ARHGAP27: variants seen among roughly 807,000 people sequenced by gnomAD.
ARHGAP27 encodes the protein Rho GTPase activating protein 27, also known as rho GTPase-activating protein 27.
In ARHGAP27, 53 loss-of-function variants were observed where a neutral mutation model predicts 102.0. The observed-to-expected ratio is 0.52, with a 90% CI of 0.42 to 0.65. ARHGAP27 has a LOEUF of 0.65. Ranked by LOEUF, ARHGAP27 falls within the 30% of genes least tolerant of loss-of-function variation. The pLI, the probability that ARHGAP27 is intolerant of heterozygous loss-of-function variation, is 0.00. For synonymous variants in ARHGAP27, 525 were observed against 542.8 expected (o/e 0.97, Z 0.46); for missense variants, 1,117 against 1,256.2 (o/e 0.89, Z 1.68).
chr17:45,426,316 C>A (rs2049593056), intron 4 of ARHGAP27, among the ~76,000 whole-genome samples: 1 of 152,132 alleles, frequency 6.6e-6, no homozygotes, highest in Non-Finnish European at 1.5e-5. Context: ...GGGTTACAAG[C>A]CTTTCAGCAA....
At chr17:45,406,210 G>T in intron 4 of ARHGAP27, 127 bp from the exon 5 acceptor site, 1 of 1,156,292 alleles carries the variant, frequency 8.6e-7, no homozygotes, top group Non-Finnish European at 1.2e-6. Context: ...AAACTTTTCT[G>T]CAGCCTCAAA....
intron 5 of ARHGAP27, among the ~76,000 whole-genome samples, 183 bp from the exon 6 acceptor site, chr17:45,405,289 G>A (rs1415759686): frequency 6.6e-6 from 1 of 150,712 alleles, no homozygotes; most frequent in Non-Finnish European, 1.5e-5. Flanking sequence ...GGCTGTGGGA[G>A]CAGAAGGCGT....
chr17:45,429,698 C>T lies in ARHGAP27; in HGVS notation c.582G>A (p.Ala194=). ...CGTAGACGTTCTCTGAGTCGCTGCG[C>T]GCCAGAGGCCGCGGGCACACCCAGG... The part of the protein sequence containing the change: ...AGSWVCPRPL[A]RSDSENVYEV... The change falls in exon 4 of 20, where the codon GCG becomes GCA. Residue 194 remains alanine (A), a synonymous_variant. Transcript: ENST00000685559. 3 of 1,557,616 alleles carry T rather than the reference C, an allele frequency of 1.9e-6. No homozygotes were observed. The highest frequency in any genetic ancestry group is 8.7e-7 in the Non-Finnish European group (1 of 1,151,262).
At chr17:45,410,482 G>C (rs1287558886) in intron 4 of ARHGAP27, 1 of 1,272,144 alleles carries the variant, frequency 7.9e-7, no homozygotes, top group East Asian at 3.1e-5. Context: ...GGGGTGGAGG[G>C]GCCTCAGGTT....
intron 4 of ARHGAP27, among the ~76,000 whole-genome samples, chr17:45,425,832 A>G (rs879597236): frequency 7.9e-5 from 12 of 152,106 alleles, no homozygotes; most frequent in Non-Finnish European, 1.5e-4. Flanking sequence ...AGGCCCCTTT[A>G]TTGCACTGGC....
rs1034250749 is a variant in ARHGAP27, at chr17:45,397,009, G to C, written c.1858C>G (p.Pro620Ala). The C allele has an allele frequency of 1.9e-6, 3 of 1,603,660 alleles. No homozygotes were observed. Among genetic ancestry groups the C allele is most frequent in the African/African-American group, 2.7e-5 (2 of 74,940 alleles). ...ACTCTGCTGCTCTCGCTCTCCTCTG[G>C]GGGCAGCTCTGCGGACTGGATTCCC... ...GIQELSAELP[P>A]EESESSRVDF... The change falls in exon 14 of 20, where the codon CCA (proline) becomes GCA (alanine). Residue 620 changes from proline (P) to alanine (A), a missense_variant. By Grantham distance (27) the Pro-to-Ala change is conservative (BLOSUM62 -1). Coordinates refer to ENST00000685559, the MANE Select transcript of ARHGAP27 (RefSeq NM_001282290.2).
At chr17:45,432,538 C>T (rs942800840) in intron 1 of ARHGAP27, among the ~76,000 whole-genome samples, 189 bp from the exon 2 acceptor site, 1 of 152,216 alleles carries the variant, frequency 6.6e-6, no homozygotes, top group Non-Finnish European at 1.5e-5. Flanking sequence ...GGAGGGCAGC[C>T]CTTCGCCTAC....
rs987845134 is a variant in ARHGAP27 at position 45,394,400 on chromosome 17, G to A, written c.*1056C>T. On this transcript the variant is annotated 3_prime_UTR_variant, in exon 20 of 20. Coordinates refer to ENST00000685559, the MANE Select transcript of ARHGAP27 (RefSeq NM_001282290.2). ...CCTGCCCAGCTCTTCGTGGCAAAGC[G>A]GGCCCCAGATGGGTGTACTTGTGTG... The A allele has an allele frequency of 2.0e-5, 3 of 152,364 alleles. No homozygotes were observed. The highest frequency in any genetic ancestry group is 2.9e-5 in the Non-Finnish European group (2 of 68,128). 9.4% of individuals were successfully genotyped at this position (152,364 alleles called of 1,614,324 possible). A position where few individuals can be genotyped will look rare whatever the true frequency, so the allele number is the denominator to read the frequency against.
chr17:45,425,233 G>C (rs1320080192), intron 4 of ARHGAP27, among the ~76,000 whole-genome samples: 1 of 151,912 alleles, frequency 6.6e-6, no homozygotes, highest in African/African-American at 2.4e-5. Flanking sequence ...TGGGGGTTGG[G>C]GGTGGGGGGT....
At chr17:45,422,620 C>T (rs2049146876) in intron 4 of ARHGAP27, among the ~76,000 whole-genome samples, 1 of 152,102 alleles carries the variant, frequency 6.6e-6, no homozygotes, top group Non-Finnish European at 1.5e-5. Context: ...GATAGAAAAG[C>T]ACAATTTGTA....
chr17:45,426,367 C>A (rs2049597511), intron 4 of ARHGAP27, among the ~76,000 whole-genome samples: 1 of 152,156 alleles, frequency 6.6e-6, no homozygotes, highest in Admixed American at 6.5e-5. Flanking sequence ...CTGCATCTTA[C>A]CACACTTTGT....
chr17:45,417,801 C>T (rs2048619001), intron 4 of ARHGAP27, among the ~76,000 whole-genome samples: 1 of 150,876 alleles, frequency 6.6e-6, no homozygotes, highest in South Asian at 2.1e-4. Flanking sequence ...CGCCTGTAAT[C>T]CCAGCACTTT....
At chr17:45,404,215 T>C in intron 9 of ARHGAP27, 54 bp downstream of exon 9, 2 of 1,612,298 alleles carry the variant, frequency 1.2e-6, no homozygotes, top group Non-Finnish European at 1.7e-6. Context: ...GTGTCTCCAC[T>C]GAACCCTCCT....
rs146415210 is a variant in ARHGAP27 at position 45,411,846 on chromosome 17, G to C, written c.658-5763C>G. Among the ~76,000 whole-genome samples, 289 of 152,136 alleles carry C rather than the reference G, an allele frequency of 1.9e-3. 6 individuals carry two copies. The highest frequency in any genetic ancestry group is 6.6e-3 in the African/African-American group (274 of 41,472). Reference sequence around the variant, plus strand: ...TACACACGTGTGCGTGCATATGACAGGTCACCAAGGGTTATGCAACCAGGC... The same window carrying C: ...TACACACGTGTGCGTGCATATGACACGTCACCAAGGGTTATGCAACCAGGC... On this transcript the variant is annotated intron_variant, in intron 4 of 19. Transcript: ENST00000685559.
At chr17:45,404,819 C>T in intron 6 of ARHGAP27, 105 bp downstream of exon 6, 1 of 1,554,994 alleles carries the variant, frequency 6.4e-7, no homozygotes, top group South Asian at 1.1e-5. Context: ...CTGGTTTAGG[C>T]TCTGTGTGGG....
chr17:45,412,481 C>T (rs993799714), intron 4 of ARHGAP27, among the ~76,000 whole-genome samples: 5 of 152,220 alleles, frequency 3.3e-5, no homozygotes, highest in African/African-American at 1.2e-4. Context: ...ACCCAGTCCT[C>T]TGGGGCTAGA....
At chr17:45,412,783 G>T (rs2048055477) in intron 4 of ARHGAP27, among the ~76,000 whole-genome samples, 1 of 152,068 alleles carries the variant, frequency 6.6e-6, no homozygotes, top group African/African-American at 2.4e-5. Flanking sequence ...AGCTGGGGGT[G>T]ACCCCACAGG....
chr17:45,431,639 AG>A lies in ARHGAP27; in HGVS notation c.-38del. ...CACTCACGTCGGCTGGGCGGGCCTCAGGGAGCCCATGGGCTGGGTGGGCGGA... is the reference window on the plus strand; with the variant it reads ...CACTCACGTCGGCTGGGCGGGCCTCAGGAGCCCATGGGCTGGGTGGGCGGA... On this transcript the variant is annotated 5_prime_UTR_variant, in exon 3 of 20. It introduces an in-frame stop codon into an upstream open reading frame of the 5' UTR. Transcript: ENST00000685559. 1 of 175,064 alleles carries A rather than the reference AG, an allele frequency of 5.7e-6. No homozygotes were observed. Among genetic ancestry groups the A allele is most frequent in the Non-Finnish European group, 1.2e-5 (1 of 82,100 alleles). The allele number at this position is 175,064 out of a possible 1,614,324, so 10.8% of individuals were successfully genotyped here. A position where few individuals can be genotyped will look rare whatever the true frequency, so the allele number is the denominator to read the frequency against.
chr17:45,425,580 G>A, intron 4 of ARHGAP27: 1 of 985,646 alleles, frequency 1.0e-6, no homozygotes, highest in Non-Finnish European at 1.2e-6. Flanking sequence ...CCCAGTGGAG[G>A]AGAAGGAATG....
Sources: allele counts gnomAD v4.1 joint callset (sites outside exome capture counted in the v4.1 genomes callset), GRCh38; gene constraint gnomAD v4.1.1; transcripts MANE v1.5; gene names NCBI Gene and HGNC (gene_info 2026-07-23, HGNC 2026-07-21).